Variants in ARMS2 observed in about 807,000 individuals in gnomAD.
ARMS2 encodes the protein age-related maculopathy susceptibility 2.
A neutral mutation model predicts 6.0 loss-of-function variants in ARMS2; 4 were observed. The observed-to-expected ratio is 0.67, with a 90% CI of 0.33 to 1.53. ARMS2 has a LOEUF of 1.53. ARMS2 is among the 40% of genes most tolerant of loss of function. The probability of loss-of-function intolerance (pLI) is 0.06; values close to 1 mark genes in which losing one functional copy is unlikely to be tolerated. For missense variants in ARMS2, 99 were observed against 127.6 expected (o/e 0.78, Z 1.08); for synonymous variants, 49 against 51.7 (o/e 0.95, Z 0.22).
At chr10:122,455,129 T>G (rs779152507) in intron 1 of ARMS2, 105 bp downstream of exon 1, 9 of 676,786 alleles carry the variant, frequency 1.3e-5, no homozygotes, top group African/African-American at 3.6e-5. Flanking sequence ...GTGCTTCTGA[T>G]GCATGCTCAG....
Position 122,455,030 on chromosome 10 carries a change from A to G in ARMS2, c.297+6A>G. 6.8e-7 allele frequency: 1 copy of G among 1,461,754 alleles called. No individual in the cohort carries two copies. The highest frequency in any genetic ancestry group is 1.2e-5 in the South Asian group (1 of 86,204). 90.5% of individuals were successfully genotyped at this position (1,461,754 alleles called of 1,614,324 possible). On this transcript the variant is annotated splice_donor_region_variant and intron_variant, in intron 1 of 1. Transcript: ENST00000528446. ...CTCAGCACCACCTGACACTGGTAAG[A>G]AATGCAGATGATCAGGCCTTACCCC...
At chr10:122,456,525 G>A (rs907819705) in intron 1 of ARMS2, among the ~76,000 whole-genome samples, 1 of 151,912 alleles carries the variant, frequency 6.6e-6, no homozygotes, top group Non-Finnish European at 1.5e-5. Flanking sequence ...CATGGTGGCA[G>A]CACCTGTAAT....
rs1451770353 is a variant in ARMS2 at position 122,454,787 on chromosome 10, G to C, written c.60G>C (p.Glu20Asp). 6.2e-7 allele frequency: 1 copy of C among 1,614,032 alleles called. No individual in the cohort carries two copies. The highest frequency in any genetic ancestry group is 8.5e-7 in the Non-Finnish European group (1 of 1,179,896). Residue 20 changes from glutamate to aspartate, a missense_variant, in exon 1 of 2, where the codon GAG becomes GAC. Glu to Asp is a conservative substitution (Grantham distance 45, BLOSUM62 2). Transcript: ENST00000528446. Reference protein sequence around the residue: ...VTEAEGKGGPEMASLSSSVVP... With the variant: ...VTEAEGKGGPDMASLSSSVVP... ...AGGCGGAGGGGAAAGGAGGGCCTGA[G>C]ATGGCAAGTCTGTCCTCCTCGGTGG... is the stretch of plus-strand genomic sequence containing the variant.
Position 122,457,130 on chromosome 10 carries a change from G to A in ARMS2, c.*197G>A. On this transcript the variant is annotated 3_prime_UTR_variant, in exon 2 of 2. Transcript: ENST00000528446. ...TGCAACCTGGAATTTCCCCACCTGG[G>A]CGGACTCATCACGTCATCACCAATT... 1 of 630,844 alleles carries A rather than the reference G, an allele frequency of 1.6e-6. No individual in the cohort carries two copies. The highest frequency in any genetic ancestry group is 2.7e-6 in the Non-Finnish European group (1 of 371,656). 39.1% of individuals were successfully genotyped at this position (630,844 alleles called of 1,614,324 possible).
Position 122,454,932 on chromosome 10 carries a change from G to T in ARMS2, c.205G>T (p.Ala69Ser), listed in dbSNP as rs10490924. The change falls in exon 1 of 2, where the codon GCT becomes TCT. Residue 69 changes from alanine to serine, a missense_variant. By Grantham distance (99) the Ala-to-Ser change is moderately conservative. Coordinates refer to ENST00000528446, the MANE Select transcript of ARMS2 (RefSeq NM_001099667.3). ...TTTATCACACTCCATGATCCCAGCTGCTAAAATCCACACTGAGCTCTGCTT... is the reference window on the plus strand; with the variant it reads ...TTTATCACACTCCATGATCCCAGCTTCTAAAATCCACACTGAGCTCTGCTT... Reference protein sequence around the residue: ...LSLSHSMIPAAKIHTELCLPA... With the variant: ...LSLSHSMIPASKIHTELCLPA... 372,235 of 1,613,268 alleles carry T rather than the reference G, an allele frequency of 0.23. 44,676 individuals carry two copies. Among genetic ancestry groups the T allele is most frequent in the East Asian group, 0.39 (17,384 of 44,840 alleles).
At chr10:122,455,935 T>C (rs981311804) in intron 1 of ARMS2, among the ~76,000 whole-genome samples, 6 of 152,120 alleles carry the variant, frequency 3.9e-5, no homozygotes, top group Admixed American at 3.9e-4. Context: ...GTTTGAATTG[T>C]ATCTGTCTGA....
Position 122,457,005 on chromosome 10 carries a change from T to C in ARMS2, c.*72T>C. 1 of 1,547,370 alleles carries C rather than the reference T, an allele frequency of 6.5e-7. No individual in the cohort carries two copies. The highest frequency in any genetic ancestry group is 8.7e-7 in the Non-Finnish European group (1 of 1,144,108). ...AGCATCAATGTGAAGCCAAAAATCCTTAGGAGGACAGAGGGAGTCCCTCAC... is the reference window on the plus strand; with the variant it reads ...AGCATCAATGTGAAGCCAAAAATCCCTAGGAGGACAGAGGGAGTCCCTCAC... On this transcript the variant is annotated 3_prime_UTR_variant, in exon 2 of 2. Coordinates refer to ENST00000528446, the MANE Select transcript of ARMS2 (RefSeq NM_001099667.3).
At chr10:122,456,334 G>C (rs2097477084) in intron 1 of ARMS2, among the ~76,000 whole-genome samples, 2 of 151,886 alleles carry the variant, frequency 1.3e-5, no homozygotes, top group Non-Finnish European at 2.9e-5. Context: ...AGAAATGCTG[G>C]TATTGTAATT....
In ARMS2 at chr10:122,455,013, C is replaced by A; in HGVS notation, c.286C>A (p.His96Asn). The change falls in exon 1 of 2, where the codon CAC (histidine) becomes AAC (asparagine). Residue 96 changes from histidine (H) to asparagine (N), a missense_variant. Transcript: ENST00000528446. ...GAGGAGGTTCCAGCAGCCTCAGCAC[C>A]ACCTGACACTGGTAAGAAATGCAGA... Reference protein sequence around the residue: ...TQRRFQQPQHHLTLSIIHTAA... With the variant: ...TQRRFQQPQHNLTLSIIHTAA... The A allele has an allele frequency of 6.4e-7, 1 of 1,558,984 alleles. No individual in the cohort carries two copies. Among genetic ancestry groups the A allele is most frequent in the Non-Finnish European group, 8.8e-7 (1 of 1,134,010 alleles).
In ARMS2 at chr10:122,457,318, A is replaced by C. The variant is rs2672603; in HGVS notation, c.*385A>C. The C allele has an allele frequency of 0.13, 22,860 of 181,504 alleles. 2,842 individuals carry two copies. Among genetic ancestry groups the C allele is most frequent in the Non-Finnish European group, 0.17 (16,050 of 91,754 alleles). The allele number at this position is 181,504 out of a possible 1,614,324, so 11.2% of individuals were successfully genotyped here. A position where few individuals can be genotyped will look rare whatever the true frequency, so the allele number is the denominator to read the frequency against. Reference sequence around the variant, plus strand: ...TTTCTCTCCCGGGTGATAGGCATTAACTAAAATTAAATAAAAATTCAGATC... The same window carrying C: ...TTTCTCTCCCGGGTGATAGGCATTACCTAAAATTAAATAAAAATTCAGATC... On this transcript the variant is annotated 3_prime_UTR_variant, in exon 2 of 2. Transcript: ENST00000528446.
chr10:122,456,483 C>T (rs1280585378), intron 1 of ARMS2, among the ~76,000 whole-genome samples: 1 of 151,280 alleles, frequency 6.6e-6, no homozygotes, highest in African/African-American at 2.4e-5. Context: ...GGTGAAACCC[C>T]ATCTCTACTA....
intron 1 of ARMS2, 113 bp from the exon 2 acceptor site, chr10:122,456,791 CTTA>C: frequency 7.0e-7 from 1 of 1,425,766 alleles, no homozygotes; most frequent in Non-Finnish European, 9.5e-7. Context: ...GTCTATACTT[CTTA>C]CCCTATTGAG....
rs2097475688 is a variant in ARMS2, at chr10:122,454,664, A to G, written c.-64A>G. Reference sequence around the variant, plus strand: ...AAAAGACAATGCTCCTGGCTGAGTGAGATGGCAGCTGGCTTGGCAAGGGGA... The same window carrying G: ...AAAAGACAATGCTCCTGGCTGAGTGGGATGGCAGCTGGCTTGGCAAGGGGA... On this transcript the variant is annotated 5_prime_UTR_variant, in exon 1 of 2. Coordinates refer to ENST00000528446, the MANE Select transcript of ARMS2 (RefSeq NM_001099667.3). The G allele has an allele frequency of 1.3e-6, 2 of 1,579,206 alleles. No individual in the cohort carries two copies. The highest frequency in any genetic ancestry group is 1.7e-6 in the Non-Finnish European group (2 of 1,159,152).
Position 122,454,797 on chromosome 10 carries a change from C to T in ARMS2, c.70C>T (p.Leu24=). The T allele has an allele frequency of 1.2e-6, 2 of 1,614,028 alleles. No individual in the cohort carries two copies. The highest frequency in any genetic ancestry group is 1.7e-6 in the Non-Finnish European group (2 of 1,179,898). Residue 24 remains leucine, a synonymous_variant, in exon 1 of 2, where the codon CTG becomes TTG. Coordinates refer to ENST00000528446, the MANE Select transcript of ARMS2 (RefSeq NM_001099667.3). ...EGKGGPEMAS[L]SSSVVPVSFI... Reference sequence around the variant, plus strand: ...GAAAGGAGGGCCTGAGATGGCAAGTCTGTCCTCCTCGGTGGTTCCTGTGTC... The same window carrying T: ...GAAAGGAGGGCCTGAGATGGCAAGTTTGTCCTCCTCGGTGGTTCCTGTGTC...
chr10:122,454,756 T>C lies in ARMS2; in HGVS notation c.29T>C (p.Val10Ala). Reference sequence around the variant, plus strand: ...CTGCGCCTATACCCAGGACCGATGGTAACTGAGGCGGAGGGGAAAGGAGGG... The same window carrying C: ...CTGCGCCTATACCCAGGACCGATGGCAACTGAGGCGGAGGGGAAAGGAGGG... MLRLYPGPM[V>A]TEAEGKGGPE... Residue 10 changes from valine (V) to alanine (A), a missense_variant, in exon 1 of 2, where the codon GTA (valine) becomes GCA (alanine). By Grantham distance (64) the Val-to-Ala change is moderately conservative (BLOSUM62 0). Transcript: ENST00000528446. 2 of 1,613,878 alleles carry C rather than the reference T, an allele frequency of 1.2e-6. No individual in the cohort carries two copies. The highest frequency in any genetic ancestry group is 2.2e-5 in the South Asian group (2 of 91,066).
chr10:122,457,153 A>G lies in ARMS2; in HGVS notation c.*220A>G. On this transcript the variant is annotated 3_prime_UTR_variant, in exon 2 of 2. Transcript: ENST00000528446. ...GGGCGGACTCATCACGTCATCACCA[A>G]TTGGATGCATCTTCTGCTCTGTGCA... 3 of 557,842 alleles carry G rather than the reference A, an allele frequency of 5.4e-6. No homozygotes were observed. The highest frequency in any genetic ancestry group is 2.5e-5 in the South Asian group (1 of 40,654). The allele number at this position is 557,842 out of a possible 1,614,324, so 34.6% of individuals were successfully genotyped here.
chr10:122,457,125 C>T lies in ARMS2; in HGVS notation c.*192C>T. On this transcript the variant is annotated 3_prime_UTR_variant, in exon 2 of 2. Transcript: ENST00000528446. The stretch of plus-strand genomic sequence containing the variant: ...CACTGTGCAACCTGGAATTTCCCCA[C>T]CTGGGCGGACTCATCACGTCATCAC... The T allele has an allele frequency of 3.1e-6, 2 of 644,256 alleles. No homozygotes were observed. The highest frequency in any genetic ancestry group is 5.2e-6 in the Non-Finnish European group (2 of 381,606). 39.9% of individuals were successfully genotyped at this position (644,256 alleles called of 1,614,324 possible).
intron 1 of ARMS2, among the ~76,000 whole-genome samples, chr10:122,456,144 G>C (rs561376907): frequency 1.5e-4 from 23 of 152,148 alleles, no homozygotes; most frequent in Middle Eastern, 3.4e-3. Flanking sequence ...AGGCTTAAAA[G>C]GAAACTGAGC....
intron 1 of ARMS2, among the ~76,000 whole-genome samples, chr10:122,456,297 C>CAAAAAAAA (rs201328883): frequency 2.4e-5 from 3 of 126,722 alleles, no homozygotes; most frequent in Non-Finnish European, 5.1e-5. Context: ...AAACAAAAAA[C>CAAAAAAAA]AAAAAAAAAA....
Sources: gnomAD v4.1 joint callset for allele counts (sites outside exome capture counted in the v4.1 genomes callset) on GRCh38, gnomAD v4.1.1 for gene constraint, MANE v1.5 for transcripts, NCBI Gene and HGNC (gene_info 2026-07-23, HGNC 2026-07-21) for gene names.